Variants in GOLM1 observed in about 807,000 individuals in gnomAD.
GOLM1 encodes golgi membrane protein 1, also known as epididymis luminal protein 46.
GOLM1 carries 31 observed loss-of-function variants against 50.5 expected under a neutral mutation model. That is an observed-to-expected ratio of 0.61 (90% confidence interval 0.46 to 0.83). The LOEUF (loss-of-function observed/expected upper bound fraction) is 0.83. Among genes scored for constraint, GOLM1 ranks in the 40% least tolerant of loss-of-function variants. The pLI is 0.00. For synonymous variants in GOLM1, 178 were observed against 192.8 expected (o/e 0.92, Z 0.64); for missense variants, 491 against 501.3 (o/e 0.98, Z 0.20).
At chr9:86,036,618 A>C in intron 6 of GOLM1, 111 bp from the exon 7 acceptor site, 2 of 1,111,382 alleles carry the variant, frequency 1.8e-6, no homozygotes, top group Admixed American at 2.6e-5. Flanking sequence ...ATATCCTTCC[A>C]ACCAAGACCC....
At chr9:86,086,627 G>A (rs781476788) in intron 1 of GOLM1, among the ~76,000 whole-genome samples, 1 of 152,184 alleles carries the variant, frequency 6.6e-6, no homozygotes, top group Non-Finnish European at 1.5e-5. Context: ...GTTAGTTTTT[G>A]TACAAGGTGT....
At chr9:86,063,642 G>A (rs1834224597) in intron 3 of GOLM1, among the ~76,000 whole-genome samples, 1 of 152,212 alleles carries the variant, frequency 6.6e-6, no homozygotes, top group South Asian at 2.1e-4. Context: ...CCCATCAAAC[G>A]CCTGTCTTGG....
intron 1 of GOLM1, among the ~76,000 whole-genome samples, chr9:86,094,658 G>A (rs4338185): frequency 0.037 from 5,576 of 152,266 alleles, 298 homozygotes; most frequent in East Asian, 0.27. Flanking sequence ...GGGCCAGCAC[G>A]ATGGCTCACG....
chr9:86,090,153 G>A (rs1348211997), intron 1 of GOLM1, among the ~76,000 whole-genome samples: 4 of 152,086 alleles, frequency 2.6e-5, no homozygotes, highest in African/African-American at 4.8e-5. Flanking sequence ...GATGCCAGCC[G>A]GAGCTCTCCT....
chr9:86,053,651 T>G (rs1475482050), intron 3 of GOLM1, among the ~76,000 whole-genome samples: 17 of 2,240 alleles, frequency 7.6e-3, no homozygotes, highest in Non-Finnish European at 0.016. Flanking sequence ...CACCACACCA[T>G]GCTACACCAC....
intron 9 of GOLM1, among the ~76,000 whole-genome samples, chr9:86,028,741 C>G (rs1587689374): frequency 6.6e-6 from 1 of 152,176 alleles, no homozygotes; most frequent in South Asian, 2.1e-4. Flanking sequence ...ATCCTCCCCA[C>G]AACCTGTCCG....
Position 86,033,264 on chromosome 9 carries a change from T to C in GOLM1, c.1129+18A>G, listed in dbSNP as rs767717434. ...AAATGAAAGGTGACCTCGTCACCGA[T>C]GTAGGCCCCATTCTTACCATCTATG... On this transcript the variant is annotated intron_variant, in intron 9 of 9. Coordinates refer to ENST00000388712, the MANE Select transcript of GOLM1 (RefSeq NM_016548.4). 2.9e-6 allele frequency: 4 copies of C among 1,358,966 alleles called. No homozygotes were observed. Among genetic ancestry groups the C allele is most frequent in the South Asian group, 1.2e-5 (1 of 86,118 alleles). 84.2% of individuals were successfully genotyped at this position (1,358,966 alleles called of 1,614,324 possible).
At chr9:86,032,035 A>C (rs890565883) in intron 9 of GOLM1, among the ~76,000 whole-genome samples, 3 of 151,662 alleles carry the variant, frequency 2.0e-5, no homozygotes, top group African/African-American at 7.3e-5. Flanking sequence ...CCAGGACCTG[A>C]GTCTCATCAA....
intron 4 of GOLM1, among the ~76,000 whole-genome samples, chr9:86,049,655 G>T (rs564966448): frequency 1.3e-5 from 2 of 152,160 alleles, no homozygotes; most frequent in East Asian, 3.8e-4. Context: ...GTTCACTCAT[G>T]ATTTGGCTGT....
intron 3 of GOLM1, among the ~76,000 whole-genome samples, chr9:86,057,384 G>A (rs1421396661): frequency 6.6e-6 from 1 of 152,088 alleles, no homozygotes; most frequent in Non-Finnish European, 1.5e-5. Flanking sequence ...CTTGGAAGAA[G>A]GATGCTGATC....
intron 1 of GOLM1, among the ~76,000 whole-genome samples, chr9:86,087,674 C>A (rs565936286): frequency 1.4e-4 from 21 of 152,256 alleles, no homozygotes; most frequent in Non-Finnish European, 2.9e-4. Flanking sequence ...TGATCGAAGG[C>A]CTTTTCTGCA....
intron 3 of GOLM1, among the ~76,000 whole-genome samples, chr9:86,061,318 A>C (rs1834154659): frequency 6.6e-6 from 1 of 152,178 alleles, no homozygotes; most frequent in Non-Finnish European, 1.5e-5. Flanking sequence ...TGTTGTCTGG[A>C]GAAATTTGAG....
At chr9:86,092,054 A>G (rs1382451112) in intron 1 of GOLM1, among the ~76,000 whole-genome samples, 4 of 152,000 alleles carry the variant, frequency 2.6e-5, no homozygotes, top group African/African-American at 9.7e-5. Flanking sequence ...TGGCTCCACC[A>G]CTCAGGAACT....
chr9:86,055,186 T>C (rs1833950645), intron 3 of GOLM1, among the ~76,000 whole-genome samples: 1 of 152,172 alleles, frequency 6.6e-6, no homozygotes, highest in South Asian at 2.1e-4. Context: ...ATATGGAACA[T>C]TTCCTGGGGC....
Position 86,036,482 on chromosome 9 carries a change from G to A in GOLM1, c.623C>T (p.Pro208Leu). 1 of 1,614,112 alleles carries A rather than the reference G, an allele frequency of 6.2e-7. No individual in the cohort carries two copies. Among genetic ancestry groups the A allele is most frequent in the Non-Finnish European group, 8.5e-7 (1 of 1,180,006 alleles). ...QQLQALSEPQ[P>L]RLQAAGLPHT... is the part of the protein sequence containing the mutation. ...TGGCAGGCCTGCTGCCTGCAGCCTG[G>A]GCTGAGGCTCACTGAGGGCTTGGAG... Residue 208 changes from proline to leucine, a missense_variant, in exon 7 of 10, where the codon CCC (proline) becomes CTC (leucine). Coordinates refer to ENST00000388712, the MANE Select transcript of GOLM1 (RefSeq NM_016548.4).
At chr9:86,078,058 C>CA (rs920653396) in intron 2 of GOLM1, 3 of 160,086 alleles carry the variant, frequency 1.9e-5, no homozygotes, top group Non-Finnish European at 4.1e-5. Flanking sequence ...ACAGGGAGTA[C>CA]AAGCCCAGGA....
chr9:86,061,949 C>T (rs1195581233), intron 3 of GOLM1, among the ~76,000 whole-genome samples: 1 of 152,158 alleles, frequency 6.6e-6, no homozygotes, highest in African/African-American at 2.4e-5. Context: ...GGACCTGCAG[C>T]TATGGGACAG....
rs12345744 is a variant in GOLM1 at position 86,037,902 on chromosome 9, G to C, written c.598-1395C>G. On this transcript the variant is annotated intron_variant, in intron 6 of 9. Transcript: ENST00000388712. ...AGGCGTGGTGGCTAATGCCTGTAATGCCAGTACTTTGGGAGGCTGAGACGG... is the reference window on the plus strand; with the variant it reads ...AGGCGTGGTGGCTAATGCCTGTAATCCCAGTACTTTGGGAGGCTGAGACGG... Among the ~76,000 whole-genome samples the C allele has an allele frequency of 6.9e-3, 1,045 of 151,934 alleles. 14 individuals are homozygous for C. Among genetic ancestry groups the C allele is most frequent in the South Asian group, 0.033 (158 of 4,798 alleles).
At chr9:86,036,277 C>T in intron 7 of GOLM1, 71 bp downstream of exon 7, 23 of 1,513,982 alleles carry the variant, frequency 1.5e-5, no homozygotes, top group Non-Finnish European at 2.1e-5. Flanking sequence ...GCCTCAGCAG[C>T]TCGCTGGGAC....
Sources: gnomAD v4.1 joint callset for allele counts (sites outside exome capture counted in the v4.1 genomes callset) on GRCh38, gnomAD v4.1.1 for gene constraint, MANE v1.5 for transcripts, NCBI Gene and HGNC (gene_info 2026-07-23, HGNC 2026-07-21) for gene names.